The following NETO1 variants were observed in gnomAD, a reference collection of about 807,000 sequenced individuals.
NETO1 encodes neuropilin and tolloid like 1, also known as neuropilin and tolloid-like protein 1.
Under a neutral mutation model 61.3 loss-of-function variants are expected in NETO1, and 26 were observed. The ratio of observed to expected loss-of-function variants is 0.42; its 90% CI spans 0.31 to 0.59. The LOEUF (loss-of-function observed/expected upper bound fraction) is 0.59. Ranked by LOEUF, NETO1 falls within the 20% of genes least tolerant of loss-of-function variation. NETO1 has a pLI of 0.12. For synonymous variants in NETO1, 225 were observed against 225.8 expected (o/e 1.00, Z 0.03); for missense variants, 531 against 662.8 (o/e 0.80, Z 2.18).
chr18:72,805,326 G>C (rs1310042377), intron 4 of NETO1, among the ~76,000 whole-genome samples: 1 of 152,122 alleles, frequency 6.6e-6, no homozygotes, highest in Non-Finnish European at 1.5e-5. Flanking sequence ...TTATGAGACA[G>C]AGTTCTCAAA....
chr18:72,790,229 G>C (rs955118971), intron 6 of NETO1, among the ~76,000 whole-genome samples: 8 of 152,050 alleles, frequency 5.3e-5, no homozygotes, highest in Non-Finnish European at 5.9e-5. Flanking sequence ...CAAGTGATAA[G>C]AATGTGAAGT....
intron 6 of NETO1, among the ~76,000 whole-genome samples, chr18:72,792,697 G>T (rs1007310820): frequency 6.6e-6 from 1 of 151,706 alleles, no homozygotes; most frequent in Non-Finnish European, 1.5e-5. Context: ...TTGTTTTTCC[G>T]TATGTCGCTG....
intron 9 of NETO1, among the ~76,000 whole-genome samples, chr18:72,749,430 A>C (rs965806439): frequency 1.1e-4 from 16 of 152,150 alleles, no homozygotes; most frequent in Non-Finnish European, 1.9e-4. Flanking sequence ...CACAGATAAT[A>C]TTGCATTTAT....
chr18:72,846,660 T>A (rs930587139), intron 4 of NETO1, among the ~76,000 whole-genome samples: 12 of 152,110 alleles, frequency 7.9e-5, no homozygotes, highest in African/African-American at 2.7e-4. Context: ...ATAATCTTTT[T>A]TTATTTAAAA....
At chr18:72,861,138 G>A (rs2074559342) in intron 3 of NETO1, among the ~76,000 whole-genome samples, 2 of 152,030 alleles carry the variant, frequency 1.3e-5, no homozygotes, top group Non-Finnish European at 2.9e-5. Flanking sequence ...CCATACCTTC[G>A]CTCTTATTAT....
intron 3 of NETO1, among the ~76,000 whole-genome samples, chr18:72,862,131 A>C (rs910979252): frequency 7.9e-5 from 12 of 151,976 alleles, no homozygotes; most frequent in African/African-American, 2.7e-4. Flanking sequence ...TCTACATCTT[A>C]TGTTCTCTCA....
chr18:72,786,527 T>C (rs2071924207), intron 6 of NETO1, among the ~76,000 whole-genome samples: 1 of 152,170 alleles, frequency 6.6e-6, no homozygotes, highest in Admixed American at 6.5e-5. Context: ...CCAAATACTT[T>C]GATGCTGATT....
At chr18:72,853,929 A>C (rs1201973255) in intron 4 of NETO1, among the ~76,000 whole-genome samples, 1 of 145,258 alleles carries the variant, frequency 6.9e-6, no homozygotes, top group Non-Finnish European at 1.6e-5. Context: ...AAGAAAATTT[A>C]GAAACTTTCG....
At chr18:72,758,234 A>G (rs2070849255) in intron 7 of NETO1, among the ~76,000 whole-genome samples, 1 of 152,142 alleles carries the variant, frequency 6.6e-6, no homozygotes, top group Non-Finnish European at 1.5e-5. Context: ...ATCAGTTACT[A>G]CATATTAGTG....
At chr18:72,837,734 C>T (rs1568244095) in intron 4 of NETO1, among the ~76,000 whole-genome samples, 1 of 152,092 alleles carries the variant, frequency 6.6e-6, no homozygotes, top group Non-Finnish European at 1.5e-5. Context: ...GTAGAATTTC[C>T]TTTTCCTTGT....
intron 4 of NETO1, among the ~76,000 whole-genome samples, chr18:72,836,246 G>A (rs1027780773): frequency 1.4e-4 from 21 of 152,016 alleles, no homozygotes; most frequent in South Asian, 4.2e-4. Context: ...CTGCCAGCCC[G>A]TGATCCACCA....
At chr18:72,756,579 A>G (rs965326517) in intron 7 of NETO1, among the ~76,000 whole-genome samples, 2 of 152,224 alleles carry the variant, frequency 1.3e-5, no homozygotes, top group Non-Finnish European at 2.9e-5. Flanking sequence ...GTACTAATGA[A>G]TAACATACAC....
chr18:72,845,881 G>T (rs1568254317), intron 4 of NETO1, among the ~76,000 whole-genome samples: 2 of 152,158 alleles, frequency 1.3e-5, no homozygotes, highest in Non-Finnish European at 2.9e-5. Flanking sequence ...GTCTAGAAGA[G>T]AATATATACA....
At chr18:72,799,489 C>A (rs2072430896) in intron 4 of NETO1, among the ~76,000 whole-genome samples, 1 of 152,204 alleles carries the variant, frequency 6.6e-6, no homozygotes, top group Non-Finnish European at 1.5e-5. Context: ...TCTGTATATG[C>A]ATGAATGGAG....
chr18:72,853,281 T>A (rs1219950872), intron 4 of NETO1: 1 of 152,236 alleles, frequency 6.6e-6, no homozygotes, highest in Non-Finnish European at 1.5e-5. Context: ...GAAATGAGAA[T>A]ATTTTGAGTC....
intron 7 of NETO1, among the ~76,000 whole-genome samples, chr18:72,777,891 G>C (rs1465867015): frequency 2.6e-5 from 4 of 152,174 alleles, no homozygotes; most frequent in Admixed American, 2.0e-4. Context: ...TAAAGGTCTT[G>C]ACCTGGGGTG....
chr18:72,762,314 C>A (rs1219911721), intron 7 of NETO1, among the ~76,000 whole-genome samples: 1 of 152,070 alleles, frequency 6.6e-6, no homozygotes, highest in African/African-American at 2.4e-5. Flanking sequence ...GCATGCACCA[C>A]CACGCCCGGC....
chr18:72,857,583 A>G (rs1171089631), intron 4 of NETO1, among the ~76,000 whole-genome samples: 2 of 152,226 alleles, frequency 1.3e-5, no homozygotes, highest in Non-Finnish European at 2.9e-5. Context: ...TACAGGTTAT[A>G]TTCAAAATTA....
At chr18:72,862,872 G>A (rs184805981) in intron 3 of NETO1, among the ~76,000 whole-genome samples, 5 of 152,026 alleles carry the variant, frequency 3.3e-5, no homozygotes, top group Admixed American at 1.3e-4. Flanking sequence ...CGCCCACATC[G>A]GCCTCCTAAA....
Sources: gnomAD v4.1 joint callset for allele counts (sites outside exome capture counted in the v4.1 genomes callset) on GRCh38, gnomAD v4.1.1 for gene constraint, MANE v1.5 for transcripts, NCBI Gene and HGNC (gene_info 2026-07-23, HGNC 2026-07-21) for gene names.